The following NID2 variants were observed in gnomAD, a reference collection of about 807,000 sequenced individuals.
NID2 encodes the protein nidogen 2.
In NID2, 83 loss-of-function variants were observed where a neutral mutation model predicts 145.4. That is an observed-to-expected ratio of 0.57 (90% CI 0.48 to 0.69). The LOEUF (loss-of-function observed/expected upper bound fraction) is 0.69. Ranked by LOEUF, NID2 falls within the 30% of genes least tolerant of loss-of-function variation. The pLI is 0.00. For missense variants in NID2, 1,807 were observed against 1,765.7 expected, an observed-to-expected ratio of 1.02 and a Z score of -0.42; for synonymous variants, 739 against 701.3, an observed-to-expected ratio of 1.05 and a Z score of -0.85.
chr14:52,015,425 G>T, intron 14 of NID2, 150 bp from the exon 15 acceptor site: 1 of 658,828 alleles, frequency 1.5e-6, no homozygotes. Flanking sequence ...CACCAAACTT[G>T]GGAAGCAAAT....
intron 16 of NID2, among the ~76,000 whole-genome samples, chr14:52,013,052 G>T (rs573123968): frequency 6.6e-6 from 1 of 152,344 alleles, no homozygotes; most frequent in South Asian, 2.1e-4. Context: ...TTGAAAAGTC[G>T]TTTGTCCCAG....
intron 5 of NID2, among the ~76,000 whole-genome samples, chr14:52,045,868 T>A (rs532496131): frequency 7.0e-6 from 1 of 142,584 alleles, no homozygotes; most frequent in East Asian, 2.1e-4. Flanking sequence ...ACCTCAGCCC[T>A]CCCTCGGGGG....
chr14:52,066,758 T>C (rs534532222), intron 2 of NID2, among the ~76,000 whole-genome samples: 2 of 152,310 alleles, frequency 1.3e-5, no homozygotes, highest in Non-Finnish European at 1.5e-5. Context: ...AGATGAATCA[T>C]ATGGTTTCAG....
In NID2 at chr14:52,042,187, G is replaced by A; in HGVS notation, c.1743C>T (p.Leu581=). ...HIPQPAAQAL[L]PLTPIGGLFG... ...ACAGGCCTCCAATTGGTGTGAGGGG[G>A]AGGAGGGCCTGGGCTGCTGGCTGTG... Residue 581 remains leucine, a synonymous_variant, in exon 7 of 22, where the codon CTC becomes CTT. Coordinates refer to ENST00000216286, the MANE Select transcript of NID2 (RefSeq NM_007361.4). The A allele has an allele frequency of 6.2e-7, 1 of 1,614,220 alleles. No individual in the cohort carries two copies.
chr14:52,048,545 GTC>G (rs1892584442), intron 5 of NID2, among the ~76,000 whole-genome samples: 1 of 152,002 alleles, frequency 6.6e-6, no homozygotes, highest in Non-Finnish European at 1.5e-5. Context: ...TCATTTTCAT[GTC>G]CCTATCATGG....
At chr14:52,050,947 G>A (rs977728354) in intron 5 of NID2, among the ~76,000 whole-genome samples, 60 of 152,290 alleles carry the variant, frequency 3.9e-4, no homozygotes, top group African/African-American at 1.4e-3. Flanking sequence ...CACTAGCACC[G>A]AGTCAGAGAC....
At position 52,015,015 on chromosome 14, in the gene NID2, A is replaced by AG. The variant is rs779552193; in HGVS notation, c.3250+38dup. On this transcript the variant is annotated intron_variant, in intron 15 of 21. Coordinates refer to ENST00000216286, the MANE Select transcript of NID2 (RefSeq NM_007361.4). Reference sequence around the variant, plus strand: ...AGGCACCATCCCTAGCAAAGGCCTTAGATACAGCTGAGGGGAGCGGGGGCG... The same window carrying AG: ...AGGCACCATCCCTAGCAAAGGCCTTAGGATACAGCTGAGGGGAGCGGGGGCG... 8 of 1,541,736 alleles carry AG rather than the reference A, an allele frequency of 5.2e-6. No homozygotes were observed. The African/African-American group carries it at 9.5e-5, about 18-fold the overall frequency.
At chr14:52,046,322 C>CAA (rs1555365268) in intron 5 of NID2, among the ~76,000 whole-genome samples, 573 of 31,790 alleles carry the variant, frequency 0.018, 19 homozygotes, top group African/African-American at 0.054. Flanking sequence ...GACTCCATCT[C>CAA]AAAAAAAAAA....
chr14:52,020,442 A>G (rs1891361569), intron 12 of NID2, among the ~76,000 whole-genome samples: 1 of 152,256 alleles, frequency 6.6e-6, no homozygotes, highest in Admixed American at 6.5e-5. Flanking sequence ...CGCTCACAGA[A>G]AAAAACAACA....
At chr14:52,033,152 G>A (rs1480266556) in intron 9 of NID2, among the ~76,000 whole-genome samples, 2 of 152,206 alleles carry the variant, frequency 1.3e-5, no homozygotes, top group Admixed American at 6.5e-5. Flanking sequence ...AAAGAACACA[G>A]TATCCTTCTT....
At position 52,005,274 on chromosome 14, in the gene NID2, G is replaced by T. The variant is rs1317829148; in HGVS notation, c.*212C>A. 6 of 401,830 alleles carry T rather than the reference G, an allele frequency of 1.5e-5. No individual in the cohort carries two copies. The Admixed American group carries it at 2.5e-4, about 17-fold the overall frequency. 24.9% of individuals were successfully genotyped at this position (401,830 alleles called of 1,614,324 possible). A position where few individuals can be genotyped will look rare whatever the true frequency, so the allele number is the denominator to read the frequency against. ...AAAATTCTGTTACCTTTTTAAACTT[G>T]CAATAACAACCTTCATTTTTAAAAA... On this transcript the variant is annotated 3_prime_UTR_variant, in exon 22 of 22. Transcript: ENST00000216286.
Position 52,010,928 on chromosome 14 carries a change from A to C in NID2, c.3670T>G (p.Phe1224Val), listed in dbSNP as rs1566741226. The change falls in exon 18 of 22, where the codon TTC becomes GTC. Residue 1224 changes from phenylalanine to valine, a missense_variant. Transcript: ENST00000216286. The part of the protein sequence containing the change: ...LLDGSERKVL[F>V]YTDLVNPRAI... ...CGGGGATTCACCAGATCTGTGTAGAAGAGGACCTTGCGCTCAGAGCCATCC... is the reference window on the plus strand; with the variant it reads ...CGGGGATTCACCAGATCTGTGTAGACGAGGACCTTGCGCTCAGAGCCATCC... 1.2e-5 allele frequency: 20 copies of C among 1,613,976 alleles called. No homozygotes were observed. Among genetic ancestry groups the C allele is most frequent in the East Asian group, 2.2e-5 (1 of 44,864 alleles).
intron 5 of NID2, among the ~76,000 whole-genome samples, chr14:52,049,585 AAAAG>A (rs1467845763): frequency 3.3e-5 from 5 of 152,188 alleles, no homozygotes; most frequent in Non-Finnish European, 7.3e-5. Context: ...CAAAAAAAAA[AAAAG>A]TCATTTTCAC....
rs753433963 is a variant in NID2 at position 52,027,205 on chromosome 14, G to A, written c.2670C>T (p.Cys890=). The change falls in exon 12 of 22, where the codon TGC becomes TGT. Residue 890 remains cysteine, a synonymous_variant. Transcript: ENST00000216286. ...LPGYAGDGHQ[C]TDVDECSENR... ...GGCTGACCTGCAGTTACTCACCAGT[G>A]CACTGGTGCCCATCGCCGGCATAAC... 6.5e-7 allele frequency: 1 copy of A among 1,543,836 alleles called. No homozygotes were observed. Among genetic ancestry groups the A allele is most frequent in the Admixed American group, 2.0e-5 (1 of 50,640 alleles).
intron 12 of NID2, among the ~76,000 whole-genome samples, chr14:52,021,680 A>G (rs1891405372): frequency 6.6e-6 from 1 of 152,218 alleles, no homozygotes; most frequent in Non-Finnish European, 1.5e-5. Context: ...CAACCCATAG[A>G]GTCTCCACCC....
Position 52,040,772 on chromosome 14 carries a change from T to G in NID2, c.1905A>C (p.Gly635=), listed in dbSNP as rs1892250999. 6.2e-7 allele frequency: 1 copy of G among 1,614,102 alleles called. No individual in the cohort carries two copies. Among genetic ancestry groups the G allele is most frequent in the South Asian group, 1.1e-5 (1 of 91,070 alleles). Residue 635 remains glycine (G), a synonymous_variant, in exon 8 of 22, where the codon GGA becomes GGC. Coordinates refer to ENST00000216286, the MANE Select transcript of NID2 (RefSeq NM_007361.4). ...TGCTCAGGTAGTTCTCTGGGTCAAG[T>G]CCCTCAGCAGTTTGAGTGATACGAA... is the stretch of plus-strand genomic sequence containing the variant. ...ETVRITQTAE[G]LDPENYLSIK... is the part of the protein sequence containing the mutation.
At chr14:52,006,465 T>C (rs1195034994) in intron 20 of NID2, 72 bp downstream of exon 20, 28 of 1,578,090 alleles carry the variant, frequency 1.8e-5, no homozygotes, top group Admixed American at 1.2e-4. Flanking sequence ...GTACTGACTT[T>C]TGGTAAAACA....
At position 52,048,948 on chromosome 14, in the gene NID2, A is replaced by G. The variant is rs1290029923; in HGVS notation, c.1429+4631T>C. Among the ~76,000 whole-genome samples, 10 of 152,244 alleles carry G rather than the reference A, an allele frequency of 6.6e-5. No homozygotes were observed. In the South Asian group the frequency reaches 1.9e-3, roughly 28 times the overall value. On this transcript the variant is annotated intron_variant, in intron 5 of 21. Coordinates refer to ENST00000216286, the MANE Select transcript of NID2 (RefSeq NM_007361.4). ...GAGAGGAAGGTGGATGAGTGCCCAC[A>G]CTTTGAGAAATACAGTTTCTAGTCC...
intron 5 of NID2, among the ~76,000 whole-genome samples, chr14:52,046,747 C>T (rs959236488): frequency 6.6e-6 from 1 of 152,162 alleles, no homozygotes; most frequent in Non-Finnish European, 1.5e-5. Context: ...TTACAATGGG[C>T]TAACTAGTTA....
Sources: gnomAD v4.1 joint callset for allele counts (sites outside exome capture counted in the v4.1 genomes callset) on GRCh38, gnomAD v4.1.1 for gene constraint, MANE v1.5 for transcripts, NCBI Gene and HGNC (gene_info 2026-07-23, HGNC 2026-07-21) for gene names.